The following GNB4 variants were observed in gnomAD, a reference collection of about 807,000 sequenced individuals.
GNB4 encodes the protein guanine nucleotide-binding protein subunit beta-4.
A neutral mutation model predicts 45.2 loss-of-function variants in GNB4; 28 were observed. The ratio of observed to expected loss-of-function variants is 0.62; its 90% confidence interval spans 0.46 to 0.85. GNB4 has a LOEUF of 0.85. Among genes scored for constraint, GNB4 ranks in the 40% least tolerant of loss-of-function variants. The pLI is 0.00. For synonymous variants in GNB4, 132 were observed against 143.7 expected (o/e 0.92, Z 0.58); for missense variants, 321 against 425.4 (o/e 0.75, Z 2.16).
At chr3:179,498,536 A>G in the GNB4 span, among the ~76,000 whole-genome samples, 3 of 152,146 alleles carry the variant, frequency 2.0e-5, no homozygotes, top group Non-Finnish European at 4.4e-5. Context: ...TTCTGGGTTC[A>G]AGCGATTCTC....
chr3:179,438,611 AGGCCTTTCTT>A (rs2108615648), intron 1 of GNB4, among the ~76,000 whole-genome samples: 1 of 152,366 alleles, frequency 6.6e-6, no homozygotes, highest in Non-Finnish European at 1.5e-5. Context: ...ACCAGAAGGA[AGGCCTTTCTT>A]GGCCTTATGC....
the GNB4 span, among the ~76,000 whole-genome samples, chr3:179,498,507 G>C: frequency 2.0e-5 from 3 of 152,162 alleles, no homozygotes; most frequent in Non-Finnish European, 4.4e-5. Context: ...CGCGATCTCG[G>C]CTCACTGCAA....
At chr3:179,429,051 G>T (rs867689751) in intron 1 of GNB4, among the ~76,000 whole-genome samples, 2 of 152,218 alleles carry the variant, frequency 1.3e-5, no homozygotes, top group South Asian at 2.1e-4. Flanking sequence ...GATGACGGGT[G>T]AGGCAATCTG....
chr3:179,489,039 TATATATA>T, the GNB4 span, among the ~76,000 whole-genome samples: 647 of 77,518 alleles, frequency 8.3e-3, 45 homozygotes, highest in African/African-American at 0.025. Context: ...TATATATATA[TATATATA>T]ATATATATGT....
At chr3:179,445,521 AGCAATCT>A (rs1715699580) in intron 1 of GNB4, among the ~76,000 whole-genome samples, 1 of 152,196 alleles carries the variant, frequency 6.6e-6, no homozygotes, top group African/African-American at 2.4e-5. Flanking sequence ...CCTAGGCTCA[AGCAATCT>A]GCCTGCCTCA....
At chr3:179,497,211 G>A in the GNB4 span, among the ~76,000 whole-genome samples, 10 of 152,078 alleles carry the variant, frequency 6.6e-5, no homozygotes, top group East Asian at 7.7e-4. Context: ...CTCTTACATC[G>A]TCATCTAGTC....
At chr3:179,432,987 C>A (rs546985283) in intron 1 of GNB4, among the ~76,000 whole-genome samples, 1 of 152,208 alleles carries the variant, frequency 6.6e-6, no homozygotes, top group East Asian at 1.9e-4. Flanking sequence ...CTTAGCCAGG[C>A]GGACTAACTG....
At chr3:179,438,270 C>T (rs1279238364) in intron 1 of GNB4, among the ~76,000 whole-genome samples, 1 of 152,158 alleles carries the variant, frequency 6.6e-6, no homozygotes, top group African/African-American at 2.4e-5. Context: ...GACGAGGAAA[C>T]TTTACACATG....
chr3:179,422,357 T>C (rs1715006195), intron 2 of GNB4, among the ~76,000 whole-genome samples: 1 of 152,074 alleles, frequency 6.6e-6, no homozygotes, highest in Admixed American at 6.5e-5. Context: ...CCAGGCGTGA[T>C]GGCTCATGCC....
intron 1 of GNB4, among the ~76,000 whole-genome samples, chr3:179,448,691 C>T (rs919875305): frequency 9.9e-5 from 15 of 152,160 alleles, no homozygotes; most frequent in African/African-American, 1.4e-4. Context: ...AGTTCCTACC[C>T]GGTGCCTGTA....
intron 1 of GNB4, among the ~76,000 whole-genome samples, chr3:179,440,998 T>G (rs1715580844): frequency 6.6e-6 from 1 of 152,210 alleles, no homozygotes; most frequent in Admixed American, 6.5e-5. Flanking sequence ...TTGTTCCTAT[T>G]ATTTTCACCT....
In GNB4 at chr3:179,444,510, T is replaced by C. The variant is rs1000118217; in HGVS notation, c.-43+6836A>G. ...ATAACTAAGATCCCTTGTTGACAAA[T>C]TTCAATTTCCTCAAGTACTTAACTG... On this transcript the variant is annotated intron_variant, in intron 1 of 9. Transcript: ENST00000232564. Among the ~76,000 whole-genome samples, 7 of 151,718 alleles carry C rather than the reference T, an allele frequency of 4.6e-5. No individual in the cohort carries two copies. In the Middle Eastern group the frequency reaches 0.01, roughly 221 times the overall value.
intron 1 of GNB4, among the ~76,000 whole-genome samples, chr3:179,427,143 A>G (rs1430305286): frequency 6.6e-6 from 1 of 151,620 alleles, no homozygotes; most frequent in Non-Finnish European, 1.5e-5. Context: ...CTGATTTTAT[A>G]ATCCCTTGCT....
At chr3:179,406,526 T>G (rs1714474157) in intron 8 of GNB4, among the ~76,000 whole-genome samples, 1 of 152,204 alleles carries the variant, frequency 6.6e-6, no homozygotes, top group African/African-American at 2.4e-5. Context: ...ATCTTTTATA[T>G]CTAGGTAATC....
At chr3:179,489,573 TG>T in the GNB4 span, among the ~76,000 whole-genome samples, 1 of 152,260 alleles carries the variant, frequency 6.6e-6, no homozygotes, top group South Asian at 2.1e-4. Context: ...CGCAGGAGTC[TG>T]AGGCTACAGT....
intron 1 of GNB4, among the ~76,000 whole-genome samples, chr3:179,445,671 TAGG>T (rs529964967): frequency 2.0e-3 from 309 of 152,286 alleles, no homozygotes; most frequent in African/African-American, 7.1e-3. Context: ...AAAATATAAA[TAGG>T]AGAGTAGTTA....
At chr3:179,495,566 A>G in the GNB4 span, among the ~76,000 whole-genome samples, 1 of 149,874 alleles carries the variant, frequency 6.7e-6, no homozygotes, top group African/African-American at 2.4e-5. Flanking sequence ...AAAAGAAAGA[A>G]AGAGAAAGAA....
At position 179,430,117 on chromosome 3, in the gene GNB4, A is replaced by ACAG. The variant is rs1559977662; in HGVS notation, c.-42-3876_-42-3875insCTG. 4.6e-3 allele frequency among the ~76,000 whole-genome samples: 673 copies of ACAG among 145,590 alleles called. 4 individuals are homozygous for ACAG. The highest frequency in any genetic ancestry group is 0.017 in the African/African-American group (635 of 37,374). ...AGACAGACAGACAGACAGACAGACAAAGGCCTCACTCTGCTGCCCAGGCTG... is the reference window on the plus strand; with the variant it reads ...AGACAGACAGACAGACAGACAGACAACAGAGGCCTCACTCTGCTGCCCAGGCTG... On this transcript the variant is annotated intron_variant, in intron 1 of 9. Coordinates refer to ENST00000232564, the MANE Select transcript of GNB4 (RefSeq NM_021629.4).
chr3:179,436,224 C>T (rs1374793101), intron 1 of GNB4, among the ~76,000 whole-genome samples: 2 of 152,114 alleles, frequency 1.3e-5, no homozygotes, highest in African/African-American at 4.8e-5. Flanking sequence ...CATGGAGAAA[C>T]CCTGTCTCTA....
Sources: allele counts gnomAD v4.1 joint callset (sites outside exome capture counted in the v4.1 genomes callset), GRCh38; gene constraint gnomAD v4.1.1; transcripts MANE v1.5; gene names NCBI Gene and HGNC (gene_info 2026-07-23, HGNC 2026-07-21).